The following FRMD4A variants were observed in gnomAD, a reference collection of about 807,000 sequenced individuals.
FRMD4A encodes FERM domain containing 4A, also known as FERM domain-containing protein 4A.
Under a neutral mutation model 129.1 loss-of-function variants are expected in FRMD4A, and 29 were observed. That is an observed-to-expected ratio of 0.22 (90% confidence interval 0.17 to 0.31). The LOEUF is 0.31. Ranked by LOEUF, FRMD4A falls within the 10% of genes least tolerant of loss-of-function variation. The probability of loss-of-function intolerance (pLI) is 1.00; values close to 1 mark genes in which losing one functional copy is unlikely to be tolerated. For missense variants in FRMD4A, 1,272 were observed against 1,375.8 expected (o/e 0.92, Z 1.19); for synonymous variants, 634 against 571.6 (o/e 1.11, Z -1.56).
chr10:13,918,424 C>CATTTATTTATTT lies in FRMD4A; in HGVS notation c.46-59524_46-59513dup, dbSNP rs35115927. ...TTCAAAGCAGGATGTTAGAGTGGTTCATTTATTTATTTATTTATTTATTCA... is the reference window on the plus strand; with the variant it reads ...TTCAAAGCAGGATGTTAGAGTGGTTCATTTATTTATTTATTTATTTATTTATTTATTTATTCA... On this transcript the variant is annotated intron_variant, in intron 2 of 24. Coordinates refer to ENST00000357447, the MANE Select transcript of FRMD4A (RefSeq NM_018027.5). Among the ~76,000 whole-genome samples the CATTTATTTATTT allele has an allele frequency of 8.1e-4, 123 of 152,056 alleles. 1 individual carries two copies. The East Asian group carries it at 0.016, about 20-fold the overall frequency.
chr10:14,258,322 T>TG (rs796371113), intron 2 of FRMD4A, among the ~76,000 whole-genome samples: 13,527 of 142,510 alleles, frequency 0.095, 788 homozygotes, highest in Middle Eastern at 0.14. Flanking sequence ...GGGTTTTAAC[T>TG]AAAAAAAAAA....
intron 2 of FRMD4A, among the ~76,000 whole-genome samples, chr10:14,165,711 G>T (rs755588626): frequency 3.3e-5 from 5 of 152,330 alleles, no homozygotes; most frequent in Non-Finnish European, 7.4e-5. Context: ...CAGCAACATG[G>T]ATGGAGCTGG....
intron 4 of FRMD4A, among the ~76,000 whole-genome samples, chr10:13,810,601 T>G (rs557664786): frequency 6.6e-6 from 1 of 152,204 alleles, no homozygotes; most frequent in Non-Finnish European, 1.5e-5. Flanking sequence ...ACCTAATAAT[T>G]TTATAATATT....
intron 2 of FRMD4A, among the ~76,000 whole-genome samples, chr10:14,079,545 CT>C (rs1835807721): frequency 6.6e-6 from 1 of 152,202 alleles, no homozygotes; most frequent in South Asian, 2.1e-4. Flanking sequence ...AATCAAGCCC[CT>C]GGAATAATGG....
intron 5 of FRMD4A, among the ~76,000 whole-genome samples, chr10:13,787,779 TGGGCATAGTTTTTGGCC>T (rs1298211390): frequency 5.9e-4 from 89 of 151,336 alleles, no homozygotes; most frequent in African/African-American, 1.7e-3. Context: ...AGTTTTTGGC[TGGGCATAGTTTTTGGCC>T]GGGCATAGTT....
rs59054972 is a variant in FRMD4A, at chr10:13,796,661, T to G, written c.207-73A>C. ...GTTTTTTTGGGGTTGAAGGTATATA[T>G]GAAGCAGAACGTGCTGGATCGTAGA... On this transcript the variant is annotated intron_variant, in intron 4 of 24. Coordinates refer to ENST00000357447, the MANE Select transcript of FRMD4A (RefSeq NM_018027.5). The G allele has an allele frequency of 0.011, 8,295 of 779,174 alleles. 473 individuals carry two copies. In the African/African-American group the frequency reaches 0.13, roughly 12 times the overall value. The allele number at this position is 779,174 out of a possible 1,614,324, so 48.3% of individuals were successfully genotyped here.
chr10:13,680,434 T>TA (rs60800955), intron 15 of FRMD4A, among the ~76,000 whole-genome samples: 9,314 of 148,748 alleles, frequency 0.063, 1,010 homozygotes, highest in African/African-American at 0.22. Flanking sequence ...CCTTGGAAAT[T>TA]AAAAAAAAAA....
chr10:14,143,532 G>A (rs372835882), intron 2 of FRMD4A, among the ~76,000 whole-genome samples: 1 of 152,220 alleles, frequency 6.6e-6, no homozygotes, highest in Non-Finnish European at 1.5e-5. Context: ...GGATGGATGG[G>A]GTGATAGCAG....
chr10:14,220,006 A>G (rs1470932910), intron 2 of FRMD4A, among the ~76,000 whole-genome samples: 1 of 152,166 alleles, frequency 6.6e-6, no homozygotes, highest in Non-Finnish European at 1.5e-5. Context: ...TCTAGAGCCT[A>G]TCTGTGAAGT....
intron 2 of FRMD4A, among the ~76,000 whole-genome samples, chr10:14,164,313 C>T (rs1478319555): frequency 6.6e-6 from 1 of 152,198 alleles, no homozygotes; most frequent in Non-Finnish European, 1.5e-5. Context: ...CGACCTGCGC[C>T]TGGTCCCTGT....
intron 9 of FRMD4A, among the ~76,000 whole-genome samples, chr10:13,741,011 G>GAGACAGGGTTTCATCATGTT (rs1299129636): frequency 1.3e-5 from 2 of 152,032 alleles, no homozygotes; most frequent in Non-Finnish European, 2.9e-5. Context: ...ATTTTTAGTA[G>GAGACAGGGTTTCATCATGTT]AGACAGGGTT....
At chr10:13,964,266 C>T (rs977912850) in intron 2 of FRMD4A, among the ~76,000 whole-genome samples, 4 of 151,930 alleles carry the variant, frequency 2.6e-5, no homozygotes, top group African/African-American at 4.8e-5. Context: ...AAACCAAACA[C>T]AATCCCCCTC....
At chr10:13,977,821 C>CA (rs2095547319) in intron 2 of FRMD4A, among the ~76,000 whole-genome samples, 1 of 152,172 alleles carries the variant, frequency 6.6e-6, no homozygotes, top group Non-Finnish European at 1.5e-5. Context: ...TAGCATGTGC[C>CA]AGTACATTTC....
intron 2 of FRMD4A, among the ~76,000 whole-genome samples, chr10:14,054,821 T>C (rs1247610644): frequency 6.6e-6 from 1 of 152,214 alleles, no homozygotes; most frequent in African/African-American, 2.4e-5. Flanking sequence ...CTTGTGATAG[T>C]AAGTCTCATG....
chr10:14,089,742 G>T (rs906960032), intron 2 of FRMD4A, among the ~76,000 whole-genome samples: 1 of 151,980 alleles, frequency 6.6e-6, no homozygotes. Flanking sequence ...GTAGAGAGAC[G>T]CCATCACCAA....
At chr10:13,944,580 C>G (rs184608410) in intron 2 of FRMD4A, among the ~76,000 whole-genome samples, 1 of 152,250 alleles carries the variant, frequency 6.6e-6, no homozygotes, top group East Asian at 1.9e-4. Context: ...ATCAGGTCCC[C>G]GGTGCCAAAA....
At chr10:13,964,657 C>T (rs1275616043) in intron 2 of FRMD4A, among the ~76,000 whole-genome samples, 1 of 147,542 alleles carries the variant, frequency 6.8e-6, no homozygotes, top group Non-Finnish European at 1.5e-5. Flanking sequence ...TCAGTTACAA[C>T]TAATGCCTCT....
At chr10:13,712,874 G>T (rs530072281) in intron 12 of FRMD4A, among the ~76,000 whole-genome samples, 4 of 152,330 alleles carry the variant, frequency 2.6e-5, no homozygotes, top group African/African-American at 7.2e-5. Context: ...ACCAGTTACT[G>T]GTTTCTATTA....
At chr10:14,029,316 C>T (rs1264752395) in intron 2 of FRMD4A, among the ~76,000 whole-genome samples, 1 of 151,926 alleles carries the variant, frequency 6.6e-6, no homozygotes, top group African/African-American at 2.4e-5. Context: ...CTCCTTAGTC[C>T]TTCTCCCTAG....
Sources: allele counts gnomAD v4.1 joint callset (sites outside exome capture counted in the v4.1 genomes callset), GRCh38; gene constraint gnomAD v4.1.1; transcripts MANE v1.5; gene names NCBI Gene and HGNC (gene_info 2026-07-23, HGNC 2026-07-21).